The following LEPROTL1 variants were observed in gnomAD, a reference collection of about 807,000 sequenced individuals.
LEPROTL1 encodes the protein leptin receptor overlapping transcript-like 1.
LEPROTL1 carries 6 observed loss-of-function variants against 15.4 expected under a neutral mutation model. The observed-to-expected ratio is 0.39, with a 90% CI of 0.21 to 0.77. The LOEUF is 0.77. Ranked by LOEUF, LEPROTL1 falls within the 30% of genes least tolerant of loss-of-function variation. LEPROTL1 has a pLI of 0.41. For synonymous variants in LEPROTL1, 56 were observed against 52.6 expected, an observed-to-expected ratio of 1.06 and a Z score of -0.28; for missense variants, 128 against 158.1, an observed-to-expected ratio of 0.81 and a Z score of 1.02.
intron 3 of LEPROTL1, among the ~76,000 whole-genome samples, chr8:30,114,667 T>C (rs891556028): frequency 3.3e-5 from 5 of 152,212 alleles, no homozygotes; most frequent in Admixed American, 6.5e-5. Context: ...AAAACTCTGA[T>C]GGGAGTCCAG....
intron 1 of LEPROTL1, among the ~76,000 whole-genome samples, chr8:30,100,489 G>C (rs1010036847): frequency 6.6e-6 from 1 of 151,918 alleles, no homozygotes; most frequent in Non-Finnish European, 1.5e-5. Flanking sequence ...TTGCTCTGTC[G>C]CACAGGCTGG....
At chr8:30,114,295 T>TGTTTTGTTTA (rs1802701494) in intron 3 of LEPROTL1, among the ~76,000 whole-genome samples, 2 of 151,688 alleles carry the variant, frequency 1.3e-5, no homozygotes, top group South Asian at 4.2e-4. Flanking sequence ...TGTTTTGTTT[T>TGTTTTGTTTA]GTTTTATTTT....
intron 3 of LEPROTL1, among the ~76,000 whole-genome samples, chr8:30,119,729 C>G (rs1056541224): frequency 6.6e-6 from 1 of 152,130 alleles, no homozygotes; most frequent in African/African-American, 2.4e-5. Context: ...AAAATATTAA[C>G]TAGGTATTTT....
Position 30,132,519 on chromosome 8 carries a change from C to T in LEPROTL1, c.394+30C>T, listed in dbSNP as rs1027549366. ...GCTTGAAAAGCCCAGCTGTGGTCCA[C>T]ACGACATAGATGCACTCGAATTGCT... On this transcript the variant is annotated intron_variant, in intron 4 of 4. Transcript: ENST00000442880. The T allele has an allele frequency of 9.7e-6, 15 of 1,551,758 alleles. No homozygotes were observed. The Admixed American group carries it at 2.0e-4, about 20-fold the overall frequency.
downstream of LEPROTL1, among the ~76,000 whole-genome samples, chr8:30,112,361 G>A (rs1450377378): frequency 5.6e-5 from 8 of 143,174 alleles, no homozygotes; most frequent in Non-Finnish European, 9.0e-5. Context: ...TTAGCCTCCC[G>A]AGTAGCTGGA....
intron 3 of LEPROTL1, among the ~76,000 whole-genome samples, chr8:30,130,619 T>C (rs909465518): frequency 6.6e-6 from 1 of 152,174 alleles, no homozygotes; most frequent in African/African-American, 2.4e-5. Flanking sequence ...AGTGTTTACT[T>C]CCTGTTATTG....
chr8:30,116,405 C>G (rs1478093514), intron 3 of LEPROTL1, among the ~76,000 whole-genome samples: 1 of 152,096 alleles, frequency 6.6e-6, no homozygotes, highest in African/African-American at 2.4e-5. Context: ...GGGATGAAAC[C>G]GTTCCACCTC....
chr8:30,095,630 C>A (rs748708386), intron 1 of LEPROTL1, 102 bp downstream of exon 1: 4 of 999,136 alleles, frequency 4.0e-6, no homozygotes, highest in African/African-American at 1.7e-5. Context: ...CTCGCGCGCG[C>A]GCGTGGGGTC....
intron 3 of LEPROTL1, 22 bp from the exon 4 acceptor site, chr8:30,105,724 T>C (rs1802554035): frequency 1.9e-6 from 3 of 1,595,202 alleles, no homozygotes; most frequent in Middle Eastern, 1.7e-4. Context: ...GCCTGTTGAC[T>C]GAGTGTATCT....
chr8:30,115,352 A>G (rs73574801), intron 3 of LEPROTL1, among the ~76,000 whole-genome samples: 3,553 of 41,240 alleles, frequency 0.086, 134 homozygotes, highest in African/African-American at 0.15. Flanking sequence ...GCCAGACCCC[A>G]TCTTAAAAAA....
At chr8:30,108,910 C>T (rs550513545), downstream of LEPROTL1, among the ~76,000 whole-genome samples, 29 of 152,050 alleles carry the variant, frequency 1.9e-4, no homozygotes, top group East Asian at 5.6e-3. Context: ...GATTATAGGC[C>T]TGCACCACCA....
At chr8:30,098,379 A>G (rs933977769) in intron 1 of LEPROTL1, among the ~76,000 whole-genome samples, 1 of 152,194 alleles carries the variant, frequency 6.6e-6, no homozygotes, top group African/African-American at 2.4e-5. Flanking sequence ...CCATCTAACA[A>G]TTGTGTCACG....
At chr8:30,120,621 C>T (rs140975364) in intron 3 of LEPROTL1, among the ~76,000 whole-genome samples, 161 of 152,304 alleles carry the variant, frequency 1.1e-3, no homozygotes, top group African/African-American at 3.6e-3. Context: ...ACCTTCGCCT[C>T]TCCGGCTTGA....
intron 4 of LEPROTL1, chr8:30,133,014 C>CTG: frequency 9.3e-7 from 1 of 1,076,206 alleles, no homozygotes; most frequent in South Asian, 2.0e-5. Context: ...GTCTGTACAG[C>CTG]TAAGATTAAT....
intron 1 of LEPROTL1, among the ~76,000 whole-genome samples, chr8:30,097,912 G>A (rs1802400206): frequency 6.8e-6 from 1 of 146,114 alleles, no homozygotes; most frequent in African/African-American, 2.5e-5. Context: ...TTTTTTTTAA[G>A]GAATCATTTT....
At chr8:30,104,557 T>C in intron 3 of LEPROTL1, 71 bp downstream of exon 3, 1 of 1,045,904 alleles carries the variant, frequency 9.6e-7, no homozygotes, top group Non-Finnish European at 1.3e-6. Context: ...AGCAAAGTTT[T>C]TGTTAATGAC....
chr8:30,126,242 G>A (rs1289648298), intron 3 of LEPROTL1, among the ~76,000 whole-genome samples: 1 of 152,152 alleles, frequency 6.6e-6, no homozygotes, highest in Non-Finnish European at 1.5e-5. Flanking sequence ...GCCTAGGTAT[G>A]TAGTAGGCTA....
At chr8:30,120,670 A>G (rs1802816955) in intron 3 of LEPROTL1, among the ~76,000 whole-genome samples, 1 of 152,056 alleles carries the variant, frequency 6.6e-6, no homozygotes, top group Non-Finnish European at 1.5e-5. Context: ...AGCTGGGACT[A>G]CAGTCATGAG....
chr8:30,121,600 A>C (rs1802831415), intron 3 of LEPROTL1, among the ~76,000 whole-genome samples: 1 of 152,160 alleles, frequency 6.6e-6, no homozygotes, highest in East Asian at 1.9e-4. Flanking sequence ...TGGAAACCTG[A>C]AGGAAAGCAA....
Sources: gnomAD v4.1 joint callset for allele counts (sites outside exome capture counted in the v4.1 genomes callset) on GRCh38, gnomAD v4.1.1 for gene constraint, MANE v1.5 for transcripts, NCBI Gene and HGNC (gene_info 2026-07-23, HGNC 2026-07-21) for gene names.